ADAT1: variants seen among roughly 807,000 people sequenced by gnomAD.
The protein encoded by ADAT1 is tRNA-specific adenosine deaminase 1.
In ADAT1, 58 loss-of-function variants were observed where a neutral mutation model predicts 58.6. The ratio of observed to expected loss-of-function variants is 0.99; its 90% CI spans 0.80 to 1.23. The LOEUF (loss-of-function observed/expected upper bound fraction) is 1.23, where lower values mean the gene tolerates loss of function less well. Among genes scored for constraint, ADAT1 ranks in the 50% most tolerant of loss-of-function variants. The pLI, the probability that ADAT1 is intolerant of heterozygous loss-of-function variation, is 0.00. For synonymous variants in ADAT1, 254 were observed against 220.8 expected, an observed-to-expected ratio of 1.15 and a Z score of -1.33; for missense variants, 741 against 608.6, an observed-to-expected ratio of 1.22 and a Z score of -2.29.
In ADAT1 at chr16:75,599,718, T is replaced by C; in HGVS notation, c.*498A>G. On this transcript the variant is annotated 3_prime_UTR_variant, in exon 10 of 10. Transcript: ENST00000564657. ...TATTCCTAGAGCCAGGGAGTAAGGT[T>C]AGCTTCAGCCAAGTCTGAGGCACAG... is the stretch of plus-strand genomic sequence containing the variant. 1.0e-6 allele frequency: 1 copy of C among 988,186 alleles called. No homozygotes were observed. The highest frequency in any genetic ancestry group is 4.7e-5 in the South Asian group (1 of 21,488). The allele number at this position is 988,186 out of a possible 1,614,324, so 61.2% of individuals were successfully genotyped here.
In ADAT1 at chr16:75,618,569, T is replaced by C. The variant is rs1156431073; in HGVS notation, c.293+17A>G. On this transcript the variant is annotated intron_variant, in intron 4 of 9. Coordinates refer to ENST00000564657, the MANE Select transcript of ADAT1 (RefSeq NM_001324445.2). ...ACCCCAGTCCTGCTGAACCATACTC[T>C]GGAGATGTGGCTTTACCTTTGGAAA... The C allele has an allele frequency of 3.9e-6, 6 of 1,557,804 alleles. No individual in the cohort carries two copies. The African/African-American group carries it at 6.9e-5, about 18-fold the overall frequency.
At position 75,612,353 on chromosome 16, in the gene ADAT1, G is replaced by C. The variant is rs2081564883; in HGVS notation, c.933C>G (p.Cys311Trp). 10 of 1,614,070 alleles carry C rather than the reference G, an allele frequency of 6.2e-6. No homozygotes were observed. In the South Asian group the frequency reaches 8.8e-5, roughly 14 times the overall value. Residue 311 changes from cysteine (C) to tryptophan (W), a missense_variant, in exon 6 of 10, where the codon TGC becomes TGG. Transcript: ENST00000564657. ...DKMARWNVLG[C>W]QGALLMHLLE... Reference sequence around the variant, plus strand: ...GCAAGTGCATCAACAGTGCCCCTTGGCATCCGAGGACGTTCCATCGGGCCA... The same window carrying C: ...GCAAGTGCATCAACAGTGCCCCTTGCCATCCGAGGACGTTCCATCGGGCCA...
chr16:75,615,293 G>T (rs780061867), intron 5 of ADAT1, among the ~76,000 whole-genome samples: 22 of 150,924 alleles, frequency 1.5e-4, no homozygotes, highest in Non-Finnish European at 2.9e-4. Flanking sequence ...AGCTTTCTTG[G>T]TTTTTTTCAG....
intron 1 of ADAT1, among the ~76,000 whole-genome samples, chr16:75,622,123 C>G (rs1349496659): frequency 1.3e-5 from 2 of 152,186 alleles, no homozygotes; most frequent in Non-Finnish European, 2.9e-5. Flanking sequence ...GCACTCCAGG[C>G]TGGGTGACAG....
intron 5 of ADAT1, among the ~76,000 whole-genome samples, chr16:75,613,284 A>T (rs1360496026): frequency 6.6e-6 from 1 of 152,204 alleles, no homozygotes; most frequent in Non-Finnish European, 1.5e-5. Flanking sequence ...GGTTTAGACC[A>T]GGGTTTCTCA....
chr16:75,600,884 T>A (rs1009245634), intron 9 of ADAT1, among the ~76,000 whole-genome samples: 4 of 152,270 alleles, frequency 2.6e-5, no homozygotes, highest in African/African-American at 7.2e-5. Context: ...TTTACATTTT[T>A]ATTTTGACTT....
intron 6 of ADAT1, among the ~76,000 whole-genome samples, chr16:75,609,495 G>A (rs1320454665): frequency 6.6e-6 from 1 of 151,760 alleles, no homozygotes; most frequent in African/African-American, 2.4e-5. Flanking sequence ...CCTAGGGTTG[G>A]CTTTTTTAAA....
chr16:75,602,684 T>C (rs766217832), intron 9 of ADAT1, among the ~76,000 whole-genome samples: 1 of 151,884 alleles, frequency 6.6e-6, no homozygotes, highest in East Asian at 1.9e-4. Flanking sequence ...GGTTTTAAAG[T>C]TCTTTGAATT....
intron 8 of ADAT1, among the ~76,000 whole-genome samples, chr16:75,603,442 G>A (rs2081279296): frequency 6.6e-6 from 1 of 152,142 alleles, no homozygotes; most frequent in African/African-American, 2.4e-5. Context: ...ACGAAATTTT[G>A]CCCCAGGATA....
Position 75,620,729 on chromosome 16 carries a change from T to G in ADAT1, c.71A>C (p.Lys24Thr). 1.2e-6 allele frequency: 2 copies of G among 1,614,192 alleles called. No homozygotes were observed. The highest frequency in any genetic ancestry group is 1.7e-6 in the Non-Finnish European group (2 of 1,180,034). Residue 24 changes from lysine (K) to threonine (T), a missense_variant, in exon 2 of 10, where the codon AAG becomes ACG. Transcript: ENST00000564657. ...HYGIRLPKKG[K>T]PEPNHEWTLL... ...TGTCCACTCATGGTTTGGCTCAGGC[T>G]TCCCCTTCTTGGGCAGCCTGATCCC...
At chr16:75,618,145 C>T (rs2081800252) in intron 4 of ADAT1, among the ~76,000 whole-genome samples, 1 of 145,922 alleles carries the variant, frequency 6.9e-6, no homozygotes, top group East Asian at 2.0e-4. Context: ...CTAGTCTAGA[C>T]CACATTACTA....
intron 8 of ADAT1, among the ~76,000 whole-genome samples, chr16:75,605,740 A>C (rs1294618117): frequency 6.6e-6 from 1 of 151,848 alleles, no homozygotes; most frequent in Non-Finnish European, 1.5e-5. Context: ...GTTCAAGACC[A>C]GCCTGCCCAA....
intron 1 of ADAT1, among the ~76,000 whole-genome samples, chr16:75,621,235 T>A (rs912994784): frequency 7.7e-6 from 1 of 130,316 alleles, no homozygotes. Flanking sequence ...GGACAGATGT[T>A]CTTATCTGTC....
chr16:75,619,963 G>A (rs568112757), intron 3 of ADAT1, among the ~76,000 whole-genome samples: 4 of 151,234 alleles, frequency 2.6e-5, no homozygotes, highest in Admixed American at 1.3e-4. Context: ...TCCTCTACCT[G>A]CTATAGAGTC....
Position 75,608,143 on chromosome 16 carries a change from G to T in ADAT1, c.1289+81C>A. ...AATGGGTATGGTTGTTCTTTTTGGG[G>T]TAATAAAAATGTTCTAGAATTAGAT... On this transcript the variant is annotated intron_variant, in intron 8 of 9. Coordinates refer to ENST00000564657, the MANE Select transcript of ADAT1 (RefSeq NM_001324445.2). 3.3e-6 allele frequency: 4 copies of T among 1,226,686 alleles called. No individual in the cohort carries two copies. The South Asian group carries it at 3.7e-5, about 11-fold the overall frequency. 76.0% of individuals were successfully genotyped at this position (1,226,686 alleles called of 1,614,324 possible).
Position 75,620,361 on chromosome 16 carries a change from G to T in ADAT1, c.170-27C>A, listed in dbSNP as rs199971121. 480 of 1,612,214 alleles carry T rather than the reference G, an allele frequency of 3.0e-4. No homozygotes were observed. In the African/African-American group the frequency reaches 5.6e-3, roughly 19 times the overall value. On this transcript the variant is annotated intron_variant, in intron 2 of 9. Coordinates refer to ENST00000564657, the MANE Select transcript of ADAT1 (RefSeq NM_001324445.2). Reference sequence around the variant, plus strand: ...TGTGGGAAAAAAACAAATCGTGTGAGTTCTGAGAAACGGAATGTTCCCCGG... The same window carrying T: ...TGTGGGAAAAAAACAAATCGTGTGATTTCTGAGAAACGGAATGTTCCCCGG...
At chr16:75,621,900 C>G (rs991635380) in intron 1 of ADAT1, among the ~76,000 whole-genome samples, 1 of 152,174 alleles carries the variant, frequency 6.6e-6, no homozygotes, top group African/African-American at 2.4e-5. Context: ...CACTGTAAAA[C>G]CAAACTGAAG....
At chr16:75,601,775 C>T (rs2081237459) in intron 9 of ADAT1, 1 of 152,132 alleles carries the variant, frequency 6.6e-6, no homozygotes, top group African/African-American at 2.4e-5. Flanking sequence ...ATCTCCTCAC[C>T]TAAATTCAGA....
Position 75,622,508 on chromosome 16 carries a change from A to G in ADAT1, c.-127T>C, listed in dbSNP as rs992363416. 6.6e-6 allele frequency: 1 copy of G among 152,222 alleles called. No homozygotes were observed. The highest frequency in any genetic ancestry group is 2.4e-5 in the African/African-American group (1 of 41,460). 9.4% of individuals were successfully genotyped at this position (152,222 alleles called of 1,614,324 possible). On this transcript the variant is annotated 5_prime_UTR_variant, in exon 1 of 10. Coordinates refer to ENST00000564657, the MANE Select transcript of ADAT1 (RefSeq NM_001324445.2). ...TGCAATTCACAAACCTCGATAGGCA[A>G]GGCAGGTAGAAGTTGCCAGAAGAAA...
Sources: gnomAD v4.1 joint callset for allele counts (sites outside exome capture counted in the v4.1 genomes callset) on GRCh38, gnomAD v4.1.1 for gene constraint, MANE v1.5 for transcripts, NCBI Gene and HGNC (gene_info 2026-07-23, HGNC 2026-07-21) for gene names.